Variants in GLIS3 observed in about 807,000 individuals in gnomAD.
GLIS3 encodes the protein zinc finger protein GLIS3.
In GLIS3, 53 loss-of-function variants were observed where a neutral mutation model predicts 78.6. The observed-to-expected ratio is 0.67, with a 90% CI of 0.54 to 0.85. The LOEUF is 0.85. GLIS3 is among the 40% of genes least tolerant of loss of function. The probability of loss-of-function intolerance (pLI) is 0.00; values close to 1 mark genes in which losing one functional copy is unlikely to be tolerated. For synonymous variants in GLIS3, 684 were observed against 509.9 expected (o/e 1.34, Z -4.60); for missense variants, 1,703 against 1,231.1 (o/e 1.38, Z -5.74).
chr9:4,066,428 G>A (rs1827102686), intron 4 of GLIS3, among the ~76,000 whole-genome samples: 1 of 152,124 alleles, frequency 6.6e-6, no homozygotes, highest in East Asian at 1.9e-4. Context: ...GCCACCTCCT[G>A]GTTGTGAAAC....
At chr9:4,298,548 C>A in intron 1 of GLIS3, 1 of 338,688 alleles carries the variant, frequency 3.0e-6, no homozygotes, top group Non-Finnish European at 5.9e-6. Context: ...CTCACTCACG[C>A]TTTCCAGAGA....
At chr9:4,277,706 C>T (rs568496885) in intron 2 of GLIS3, among the ~76,000 whole-genome samples, 1 of 152,350 alleles carries the variant, frequency 6.6e-6, no homozygotes, top group South Asian at 2.1e-4. Flanking sequence ...TAATGAAAAT[C>T]TTCCCAATTA....
At chr9:4,175,598 G>T (rs1407300188) in intron 2 of GLIS3, among the ~76,000 whole-genome samples, 4 of 152,096 alleles carry the variant, frequency 2.6e-5, no homozygotes, top group Admixed American at 2.6e-4. Context: ...TACTCTCCTG[G>T]CAATGCTGGA....
chr9:3,849,972 G>C (rs761516983), intron 9 of GLIS3, among the ~76,000 whole-genome samples: 4 of 152,120 alleles, frequency 2.6e-5, no homozygotes, highest in Admixed American at 2.0e-4. Flanking sequence ...TGTTGGTGCG[G>C]TTGCTGTAAC....
chr9:4,441,477 T>C, the GLIS3 span, among the ~76,000 whole-genome samples: 2 of 152,208 alleles, frequency 1.3e-5, no homozygotes, highest in Non-Finnish European at 2.9e-5. Context: ...TTGCCTGGAG[T>C]GGATTCATCT....
At chr9:3,903,654 G>A (rs1823470519) in intron 6 of GLIS3, among the ~76,000 whole-genome samples, 1 of 152,062 alleles carries the variant, frequency 6.6e-6, no homozygotes, top group South Asian at 2.1e-4. Context: ...AAATACAACA[G>A]CAATCAAAAC....
At chr9:3,915,522 G>A (rs1200960317) in intron 6 of GLIS3, among the ~76,000 whole-genome samples, 1 of 152,156 alleles carries the variant, frequency 6.6e-6, no homozygotes. Flanking sequence ...CTCTAAGTTA[G>A]AGGACTGGAT....
chr9:4,224,833 T>C (rs1202276912), intron 2 of GLIS3, among the ~76,000 whole-genome samples: 2 of 152,078 alleles, frequency 1.3e-5, no homozygotes, highest in Non-Finnish European at 2.9e-5. Flanking sequence ...AGCAAAATCA[T>C]TCTTTTAGTG....
chr9:3,936,939 A>T, intron 5 of GLIS3, 89 bp downstream of exon 5: 2 of 1,567,416 alleles, frequency 1.3e-6, no homozygotes, highest in Non-Finnish European at 1.8e-6. Flanking sequence ...GCAGACCATA[A>T]AGCAAACACT....
chr9:4,328,533 A>G (rs1817636230), intron 2 of GLIS3, among the ~76,000 whole-genome samples: 1 of 152,218 alleles, frequency 6.6e-6, no homozygotes, highest in Non-Finnish European at 1.5e-5. Flanking sequence ...CAGCCCCTCC[A>G]TAAAGGGGAA....
At chr9:4,084,244 C>T (rs1175258835) in intron 4 of GLIS3, among the ~76,000 whole-genome samples, 1 of 144,736 alleles carries the variant, frequency 6.9e-6, no homozygotes, top group Non-Finnish European at 1.5e-5. Flanking sequence ...TCTCTCCTTC[C>T]TTCCTCTCTC....
At chr9:4,425,190 G>A in the GLIS3 span, among the ~76,000 whole-genome samples, 2 of 152,198 alleles carry the variant, frequency 1.3e-5, no homozygotes, top group Admixed American at 1.3e-4. Flanking sequence ...CTCCAGATCT[G>A]ATTTACATGA....
chr9:3,871,701 C>T (rs1820979088), intron 8 of GLIS3, among the ~76,000 whole-genome samples: 1 of 152,158 alleles, frequency 6.6e-6, no homozygotes, highest in Admixed American at 6.5e-5. Context: ...GCACAGGGAC[C>T]CTGGGCCAGG....
Position 3,937,080 on chromosome 9 carries a change from G to T in GLIS3, c.1820C>A (p.Ala607Asp), listed in dbSNP as rs757724439. The change falls in exon 5 of 11, where the codon GCC becomes GAC. Residue 607 changes from alanine (A) to aspartate (D), a missense_variant. Transcript: ENST00000381971. ...YLCQHPGCQK[A>D]FSNSSDRAKH... Reference sequence around the variant, plus strand: ...GGCGCGGTCACTGGAGTTACTGAAGGCCTTCTGACAACCCGGATGCTGGCA... The same window carrying T: ...GGCGCGGTCACTGGAGTTACTGAAGTCCTTCTGACAACCCGGATGCTGGCA... 5.0e-6 allele frequency: 8 copies of T among 1,613,686 alleles called. No individual in the cohort carries two copies. Among genetic ancestry groups the T allele is most frequent in the African/African-American group, 1.3e-5 (1 of 74,928 alleles).
intron 2 of GLIS3, among the ~76,000 whole-genome samples, chr9:4,152,733 A>G (rs2131045795): frequency 6.6e-6 from 1 of 152,334 alleles, no homozygotes; most frequent in African/African-American, 2.4e-5. Context: ...CGCAATGTAA[A>G]TTTTACAAAA....
intron 7 of GLIS3, among the ~76,000 whole-genome samples, chr9:3,880,026 G>A (rs1316037961): frequency 6.6e-6 from 1 of 152,124 alleles, no homozygotes; most frequent in Non-Finnish European, 1.5e-5. Context: ...CTGCTGCAGT[G>A]AGCCACGGTA....
chr9:4,165,916 A>G (rs1337657596), intron 2 of GLIS3, among the ~76,000 whole-genome samples: 1 of 152,228 alleles, frequency 6.6e-6, no homozygotes, highest in African/African-American at 2.4e-5. Flanking sequence ...AGGAATCTGC[A>G]AACAAGGGAG....
chr9:4,322,681 A>C (rs954011782), intron 2 of GLIS3, among the ~76,000 whole-genome samples: 1 of 152,054 alleles, frequency 6.6e-6, no homozygotes, highest in Non-Finnish European at 1.5e-5. Context: ...GCATTTTTTC[A>C]TGTGTCTGTT....
intron 4 of GLIS3, among the ~76,000 whole-genome samples, chr9:4,085,390 C>A (rs1828932470): frequency 6.6e-6 from 1 of 152,010 alleles, no homozygotes; most frequent in Admixed American, 6.6e-5. Context: ...TCTTCCTGTA[C>A]CAGCAGAGCT....
Sources: gnomAD v4.1 joint callset for allele counts (sites outside exome capture counted in the v4.1 genomes callset) on GRCh38, gnomAD v4.1.1 for gene constraint, MANE v1.5 for transcripts, NCBI Gene and HGNC (gene_info 2026-07-23, HGNC 2026-07-21) for gene names.